RIMBP2: variants seen among roughly 807,000 people sequenced by gnomAD.
RIMBP2 encodes the protein RIMS-binding protein 2.
A neutral mutation model predicts 118.6 loss-of-function variants in RIMBP2; 48 were observed. The observed-to-expected ratio is 0.40, with a 90% CI of 0.32 to 0.51. RIMBP2 has a LOEUF of 0.51. RIMBP2 is among the 20% of genes least tolerant of loss of function. The probability of loss-of-function intolerance (pLI) is 0.41; values close to 1 mark genes in which losing one functional copy is unlikely to be tolerated. For synonymous variants in RIMBP2, 762 were observed against 742.9 expected (o/e 1.03, Z -0.42); for missense variants, 1,551 against 1,768.3 (o/e 0.88, Z 2.20).
At chr12:130,468,785 T>C (rs1031877337) in intron 6 of RIMBP2, among the ~76,000 whole-genome samples, 5 of 152,130 alleles carry the variant, frequency 3.3e-5, no homozygotes, top group African/African-American at 1.2e-4. Context: ...GGCCCAAGGA[T>C]AGAATCAACC....
intron 2 of RIMBP2, among the ~76,000 whole-genome samples, chr12:130,606,387 G>A (rs1248637482): frequency 2.0e-5 from 3 of 152,232 alleles, no homozygotes; most frequent in Admixed American, 1.3e-4. Flanking sequence ...CATGGGGTTT[G>A]CAGAGAGGCA....
chr12:130,695,593 G>C (rs1343807704), intron 1 of RIMBP2, among the ~76,000 whole-genome samples: 1 of 152,142 alleles, frequency 6.6e-6, no homozygotes, highest in African/African-American at 2.4e-5. Context: ...AGTCCAGGCA[G>C]GAACCTCATT....
At chr12:130,604,589 T>A (rs1421850464) in intron 2 of RIMBP2, among the ~76,000 whole-genome samples, 1 of 69,460 alleles carries the variant, frequency 1.4e-5, no homozygotes, top group Middle Eastern at 6.8e-3. Context: ...TTTCTTTCTT[T>A]TTTTTTTTTT....
intron 1 of RIMBP2, among the ~76,000 whole-genome samples, chr12:130,696,684 A>G (rs748924852): frequency 1.2e-4 from 19 of 152,370 alleles, no homozygotes; most frequent in Non-Finnish European, 2.5e-4. Flanking sequence ...AAGTCCAACT[A>G]ACACCAAACT....
intron 4 of RIMBP2, among the ~76,000 whole-genome samples, chr12:130,492,203 G>A (rs544293708): frequency 6.6e-6 from 1 of 152,304 alleles, no homozygotes; most frequent in East Asian, 1.9e-4. Context: ...CCTGGCAGAA[G>A]GAATGCAAGC....
chr12:130,457,131 G>A (rs1202878600), intron 6 of RIMBP2, among the ~76,000 whole-genome samples: 1 of 152,198 alleles, frequency 6.6e-6, no homozygotes, highest in African/African-American at 2.4e-5. Flanking sequence ...ATGAGGCTGT[G>A]ATGCGGCCCA....
At chr12:130,662,170 A>C (rs905338169) in intron 1 of RIMBP2, among the ~76,000 whole-genome samples, 1 of 105,960 alleles carries the variant, frequency 9.4e-6, no homozygotes, top group Non-Finnish European at 2.2e-5. Context: ...CAAATTCCCT[A>C]AATTTCACCC....
intron 11 of RIMBP2, among the ~76,000 whole-genome samples, chr12:130,439,613 ATGTGGGTGTGTGGGGGTGTC>A (rs1250424768): frequency 2.3e-5 from 1 of 43,812 alleles, no homozygotes; most frequent in African/African-American, 1.0e-4. Context: ...GTTTTTGTGT[ATGTGGGTGTGTGGGGGTGTC>A]TGTGGGTGTG....
intron 4 of RIMBP2, among the ~76,000 whole-genome samples, chr12:130,493,982 C>A (rs943021078): frequency 6.6e-6 from 1 of 152,158 alleles, no homozygotes; most frequent in Non-Finnish European, 1.5e-5. Context: ...ACAGTGGACA[C>A]AAAGCTGAGA....
rs139688408 is a variant in RIMBP2 at position 130,655,846 on chromosome 12, A to G, written c.-351-27390T>C. ...ACGTTGGCTTCAGACAGAGCAGCTCAGGTCAAGGCACAGGCGACGGGAATG... is the reference window on the plus strand; with the variant it reads ...ACGTTGGCTTCAGACAGAGCAGCTCGGGTCAAGGCACAGGCGACGGGAATG... On this transcript the variant is annotated intron_variant, in intron 1 of 22. Coordinates refer to ENST00000690449, the MANE Select transcript of RIMBP2 (RefSeq NM_001393629.1). 8.5e-3 allele frequency among the ~76,000 whole-genome samples: 1,298 copies of G among 152,378 alleles called. 8 individuals carry two copies. Among genetic ancestry groups the G allele is most frequent in the Non-Finnish European group, 0.013 (901 of 68,042 alleles).
rs1283530841 is a variant in RIMBP2, at chr12:130,679,826, C to A, written c.-352+36396G>T. ...TAAAGATGAATGTCCCTGTGTTCAC[C>A]CACCGCGGGAAGGACCTGTGACTGT... On this transcript the variant is annotated intron_variant, in intron 1 of 22. Coordinates refer to ENST00000690449, the MANE Select transcript of RIMBP2 (RefSeq NM_001393629.1). Among the ~76,000 whole-genome samples, 4 of 152,372 alleles carry A rather than the reference C, an allele frequency of 2.6e-5. No homozygotes were observed. In the East Asian group the frequency reaches 7.7e-4, roughly 29 times the overall value.
rs78433229 is a variant in RIMBP2, at chr12:130,639,821, A to G, written c.-351-11365T>C. 2.8e-3 allele frequency among the ~76,000 whole-genome samples: 434 copies of G among 152,316 alleles called. 1 individual carries two copies. Among genetic ancestry groups the G allele is most frequent in the African/African-American group, 0.01 (419 of 41,552 alleles). On this transcript the variant is annotated intron_variant, in intron 1 of 22. Coordinates refer to ENST00000690449, the MANE Select transcript of RIMBP2 (RefSeq NM_001393629.1). ...ACAAATGACAGATCATTAACAAGTG[A>G]AAATTGAAAGCCGAGATGAAAACCT...
At chr12:130,680,594 T>C (rs1594194870) in intron 1 of RIMBP2, among the ~76,000 whole-genome samples, 1 of 152,304 alleles carries the variant, frequency 6.6e-6, no homozygotes, top group Non-Finnish European at 1.5e-5. Flanking sequence ...ACCGCGGCTC[T>C]CGGGGAGAGG....
At chr12:130,404,867 G>A (rs1287617638) in intron 21 of RIMBP2, among the ~76,000 whole-genome samples, 1 of 152,072 alleles carries the variant, frequency 6.6e-6, no homozygotes, top group Non-Finnish European at 1.5e-5. Flanking sequence ...ATGGAGTAGT[G>A]TTAAAGTCCA....
chr12:130,412,186 A>T (rs2075770469), intron 19 of RIMBP2, among the ~76,000 whole-genome samples: 1 of 152,214 alleles, frequency 6.6e-6, no homozygotes, highest in African/African-American at 2.4e-5. Context: ...CAAACTAAAG[A>T]GAAAAGAGCT....
intron 2 of RIMBP2, among the ~76,000 whole-genome samples, chr12:130,555,850 C>T (rs116496767): frequency 6.6e-6 from 1 of 152,160 alleles, no homozygotes; most frequent in African/African-American, 2.4e-5. Flanking sequence ...AAAAGTTAAT[C>T]GTCATCTGGT....
intron 19 of RIMBP2, among the ~76,000 whole-genome samples, chr12:130,408,761 G>A (rs1034426889): frequency 3.3e-5 from 5 of 152,188 alleles, no homozygotes; most frequent in Non-Finnish European, 7.4e-5. Flanking sequence ...GCCACTTTTT[G>A]CTTACATTTG....
chr12:130,535,728 CAT>C (rs1219732658), intron 2 of RIMBP2, among the ~76,000 whole-genome samples: 3 of 128,056 alleles, frequency 2.3e-5, no homozygotes, highest in African/African-American at 5.8e-5. Context: ...CATATATATA[CAT>C]ATATATACAT....
At chr12:130,465,148 G>A (rs562614671) in intron 6 of RIMBP2, 4 of 152,192 alleles carry the variant, frequency 2.6e-5, no homozygotes, top group Admixed American at 6.5e-5. Context: ...AGACGCCTGC[G>A]GGGAGGTAGA....
Sources: allele counts gnomAD v4.1 joint callset (sites outside exome capture counted in the v4.1 genomes callset), GRCh38; gene constraint gnomAD v4.1.1; transcripts MANE v1.5; gene names NCBI Gene and HGNC (gene_info 2026-07-23, HGNC 2026-07-21).